Variants in MCTP1 observed in about 807,000 individuals in gnomAD.
MCTP1 encodes the protein multiple C2 and transmembrane domain containing 1.
MCTP1 carries 69 observed loss-of-function variants against 120.6 expected under a neutral mutation model. The observed-to-expected ratio is 0.57, with a 90% CI of 0.47 to 0.70. The LOEUF (loss-of-function observed/expected upper bound fraction) is 0.70, where lower values mean the gene tolerates loss of function less well. Ranked by LOEUF, MCTP1 falls within the 30% of genes least tolerant of loss-of-function variation. The pLI is 0.00. For synonymous variants in MCTP1, 529 were observed against 493.1 expected, an observed-to-expected ratio of 1.07 and a Z score of -0.96; for missense variants, 1,203 against 1,248.8, an observed-to-expected ratio of 0.96 and a Z score of 0.55.
intron 1 of MCTP1, among the ~76,000 whole-genome samples, chr5:95,141,150 C>G (rs1209459974): frequency 6.6e-6 from 1 of 152,172 alleles, no homozygotes; most frequent in African/African-American, 2.4e-5. Flanking sequence ...TCAGCTTACT[C>G]AGGCTTATTA....
intron 19 of MCTP1, among the ~76,000 whole-genome samples, chr5:94,761,926 A>G (rs1360939541): frequency 6.6e-6 from 1 of 152,156 alleles, no homozygotes; most frequent in African/African-American, 2.4e-5. Context: ...TCCCTTTTCA[A>G]ACCAAGCTGC....
intron 10 of MCTP1, among the ~76,000 whole-genome samples, chr5:94,902,780 CTGT>C (rs1805855281): frequency 6.6e-6 from 1 of 152,138 alleles, no homozygotes; most frequent in Non-Finnish European, 1.5e-5. Context: ...TATTGCCTTT[CTGT>C]TGTTAGAAGT....
chr5:94,914,985 T>C (rs180761463), intron 8 of MCTP1, among the ~76,000 whole-genome samples: 23 of 152,300 alleles, frequency 1.5e-4, no homozygotes, highest in Admixed American at 3.3e-4. Flanking sequence ...CTCTAGAGAA[T>C]TGGGTTTTAA....
rs1294792169 is a variant in MCTP1, at chr5:95,170,143, TA to T, written c.720+113712del. 3.3e-5 allele frequency among the ~76,000 whole-genome samples: 5 copies of T among 152,344 alleles called. No homozygotes were observed. The South Asian group carries it at 1.0e-3, about 32-fold the overall frequency. ...TCTCATTGGTTTCAAAGAACATCTT[TA>T]TTTCTGCCTTCATTTCGTTATGTAG... On this transcript the variant is annotated intron_variant, in intron 1 of 22. Transcript: ENST00000515393.
chr5:94,890,286 T>C (rs751719915), intron 11 of MCTP1, among the ~76,000 whole-genome samples: 1 of 152,214 alleles, frequency 6.6e-6, no homozygotes, highest in Non-Finnish European at 1.5e-5. Flanking sequence ...ATTACAGGCA[T>C]GAACCACCAC....
At chr5:95,020,749 T>C (rs1369967452) in intron 1 of MCTP1, among the ~76,000 whole-genome samples, 1 of 152,066 alleles carries the variant, frequency 6.6e-6, no homozygotes, top group Non-Finnish European at 1.5e-5. Flanking sequence ...CTTCTAATCA[T>C]GTGAAATATA....
intron 1 of MCTP1, among the ~76,000 whole-genome samples, chr5:95,238,605 T>C (rs143256622): frequency 6.6e-6 from 1 of 152,210 alleles, no homozygotes; most frequent in Non-Finnish European, 1.5e-5. Context: ...CAGGCACACA[T>C]AGCTCATTCA....
chr5:95,184,365 T>G (rs1173891916), intron 1 of MCTP1, among the ~76,000 whole-genome samples: 1 of 152,196 alleles, frequency 6.6e-6, no homozygotes, highest in African/African-American at 2.4e-5. Flanking sequence ...ATAATTTCAC[T>G]GGAGAATTTT....
chr5:94,942,321 G>T (rs61606974), intron 4 of MCTP1, 27 bp downstream of exon 4: 22,778 of 1,548,714 alleles, frequency 0.015, 767 homozygotes, highest in African/African-American at 0.13. Context: ...ACAAGGGGTG[G>T]TGATATTACA....
chr5:94,901,798 A>G (rs1017030257), intron 10 of MCTP1, among the ~76,000 whole-genome samples: 1 of 152,182 alleles, frequency 6.6e-6, no homozygotes, highest in African/African-American at 2.4e-5. Flanking sequence ...ATTCCTTTCT[A>G]GATGAAACAG....
At chr5:94,871,034 G>C (rs566458785) in intron 14 of MCTP1, 61 bp from the exon 15 acceptor site, 295 of 1,352,110 alleles carry the variant, frequency 2.2e-4, no homozygotes, top group Non-Finnish European at 2.9e-4. Context: ...CACTCCCTCA[G>C]TGACCTTTGA....
intron 1 of MCTP1, among the ~76,000 whole-genome samples, chr5:95,150,420 A>G (rs916199910): frequency 1.3e-5 from 2 of 152,196 alleles, no homozygotes; most frequent in African/African-American, 4.8e-5. Flanking sequence ...AGATAGTTAA[A>G]TTTTATAGTA....
At chr5:94,730,684 A>G (rs976932052) in intron 19 of MCTP1, among the ~76,000 whole-genome samples, 6 of 152,170 alleles carry the variant, frequency 3.9e-5, no homozygotes, top group Non-Finnish European at 7.3e-5. Context: ...CCTTATAGAA[A>G]GAGGAGCTCA....
rs183053837 is a variant in MCTP1 at position 95,068,545 on chromosome 5, A to G, written c.721-51061T>C. ...GCAGCTTTATGGGTTAATTTTCTATAGTGTCTAACACTCTGGGACACTTGG... is the reference window on the plus strand; with the variant it reads ...GCAGCTTTATGGGTTAATTTTCTATGGTGTCTAACACTCTGGGACACTTGG... On this transcript the variant is annotated intron_variant, in intron 1 of 22. Coordinates refer to ENST00000515393, the MANE Select transcript of MCTP1 (RefSeq NM_024717.7). Among the ~76,000 whole-genome samples the G allele has an allele frequency of 1.2e-4, 18 of 152,318 alleles. No individual in the cohort carries two copies. In the East Asian group the frequency reaches 3.5e-3, roughly 29 times the overall value.
chr5:94,782,855 G>T (rs1776856791), intron 18 of MCTP1, among the ~76,000 whole-genome samples: 1 of 152,102 alleles, frequency 6.6e-6, no homozygotes, highest in Admixed American at 6.6e-5. Flanking sequence ...GAAAAATCAT[G>T]TAGTAGAAAA....
intron 1 of MCTP1, among the ~76,000 whole-genome samples, chr5:95,064,207 A>T (rs1441234437): frequency 6.6e-6 from 1 of 152,246 alleles, no homozygotes; most frequent in Non-Finnish European, 1.5e-5. Context: ...ACTAATGGCA[A>T]AAGTTTATGT....
chr5:95,031,227 A>G (rs1057098743), intron 1 of MCTP1, among the ~76,000 whole-genome samples: 18 of 152,160 alleles, frequency 1.2e-4, no homozygotes, highest in Non-Finnish European at 2.6e-4. Flanking sequence ...TAGTTCAAGA[A>G]AATTTTCCTA....
chr5:95,243,428 C>T (rs1196337228), intron 1 of MCTP1, among the ~76,000 whole-genome samples: 1 of 152,104 alleles, frequency 6.6e-6, no homozygotes, highest in Non-Finnish European at 1.5e-5. Context: ...AAAGAGTCAT[C>T]ACGGAACCTG....
rs933116402 is a variant in MCTP1 at position 94,940,072 on chromosome 5, G to A, written c.1173+12C>T. The stretch of plus-strand genomic sequence containing the variant: ...CAAGAAAGAGCTCCTACTAGGCTGT[G>A]GGGGAACTTACCACATCCCTGGACT... On this transcript the variant is annotated intron_variant, in intron 5 of 22. Coordinates refer to ENST00000515393, the MANE Select transcript of MCTP1 (RefSeq NM_024717.7). 1.3e-6 allele frequency: 2 copies of A among 1,490,392 alleles called. No individual in the cohort carries two copies. Among genetic ancestry groups the A allele is most frequent in the African/African-American group, 1.4e-5 (1 of 72,002 alleles). 92.3% of individuals were successfully genotyped at this position (1,490,392 alleles called of 1,614,324 possible).
Sources: gnomAD v4.1 joint callset for allele counts (sites outside exome capture counted in the v4.1 genomes callset) on GRCh38, gnomAD v4.1.1 for gene constraint, MANE v1.5 for transcripts, NCBI Gene and HGNC (gene_info 2026-07-23, HGNC 2026-07-21) for gene names.